The following TNFSF4 variants were observed in gnomAD, a reference collection of about 807,000 sequenced individuals.
TNFSF4 encodes the protein TNF superfamily member 4, also known as tumor necrosis factor ligand superfamily member 4.
In TNFSF4, 4 loss-of-function variants were observed where a neutral mutation model predicts 7.3. The ratio of observed to expected loss-of-function variants is 0.55; its 90% CI spans 0.27 to 1.25. TNFSF4 has a LOEUF of 1.25. Ranked by LOEUF, TNFSF4 falls within the 50% of genes most tolerant of loss-of-function variation. The pLI is 0.12. For synonymous variants in TNFSF4, 76 were observed against 83.7 expected, an observed-to-expected ratio of 0.91 and a Z score of 0.50; for missense variants, 181 against 208.8, an observed-to-expected ratio of 0.87 and a Z score of 0.82.
chr1:173,292,360 T>C, the TNFSF4 span, among the ~76,000 whole-genome samples: 1 of 152,080 alleles, frequency 6.6e-6, no homozygotes, highest in Admixed American at 6.6e-5. Flanking sequence ...ACTCACCACA[T>C]AACAGAATTA....
chr1:173,438,816 C>T, the TNFSF4 span, among the ~76,000 whole-genome samples: 6 of 152,312 alleles, frequency 3.9e-5, no homozygotes, highest in South Asian at 1.2e-3. Context: ...ATGTGTAACA[C>T]AGACTGAGTA....
At chr1:173,257,917 C>A in the TNFSF4 span, among the ~76,000 whole-genome samples, 5 of 152,176 alleles carry the variant, frequency 3.3e-5, no homozygotes, top group Non-Finnish European at 7.3e-5. Context: ...TGGCTCAAAG[C>A]CTCAACTTTC....
At chr1:173,428,220 C>T in the TNFSF4 span, among the ~76,000 whole-genome samples, 2 of 152,238 alleles carry the variant, frequency 1.3e-5, no homozygotes, top group Admixed American at 6.5e-5. Flanking sequence ...GCTGGGATTA[C>T]AGGCGTGAGC....
At chr1:173,405,706 G>A in the TNFSF4 span, among the ~76,000 whole-genome samples, 2 of 152,218 alleles carry the variant, frequency 1.3e-5, no homozygotes, top group Non-Finnish European at 2.9e-5. Context: ...GCACAATGAA[G>A]TTGTCAAGTT....
At chr1:173,266,225 A>G in the TNFSF4 span, among the ~76,000 whole-genome samples, 1 of 152,168 alleles carries the variant, frequency 6.6e-6, no homozygotes, top group Non-Finnish European at 1.5e-5. Flanking sequence ...AATGAGTTCA[A>G]TGGATGATGA....
At chr1:173,340,618 GA>G in the TNFSF4 span, among the ~76,000 whole-genome samples, 2 of 152,256 alleles carry the variant, frequency 1.3e-5, no homozygotes, top group African/African-American at 4.8e-5. Flanking sequence ...TCGACCTCAA[GA>G]AATCTAGATA....
chr1:173,310,388 A>AT, the TNFSF4 span, among the ~76,000 whole-genome samples: 2 of 151,864 alleles, frequency 1.3e-5, no homozygotes, highest in Non-Finnish European at 2.9e-5. Context: ...TTCCATTGTG[A>AT]TTTTTAAATA....
chr1:173,219,945 C>T, the TNFSF4 span, among the ~76,000 whole-genome samples: 5 of 151,976 alleles, frequency 3.3e-5, no homozygotes, highest in Non-Finnish European at 5.9e-5. Flanking sequence ...TTGGGTACAG[C>T]GTACACTGCT....
chr1:173,258,121 A>AC, the TNFSF4 span, among the ~76,000 whole-genome samples: 4 of 152,058 alleles, frequency 2.6e-5, no homozygotes, highest in African/African-American at 7.2e-5. Context: ...ACCAAATTCC[A>AC]TTTGGCTTCC....
At chr1:173,286,669 T>C in the TNFSF4 span, among the ~76,000 whole-genome samples, 28 of 152,132 alleles carry the variant, frequency 1.8e-4, no homozygotes, top group Admixed American at 1.8e-3. Flanking sequence ...AGAATCTCTT[T>C]CTGAACTTGG....
the TNFSF4 span, among the ~76,000 whole-genome samples, chr1:173,223,548 A>C: frequency 6.6e-6 from 1 of 152,202 alleles, no homozygotes; most frequent in Non-Finnish European, 1.5e-5. Flanking sequence ...GTAAAGGTGG[A>C]TTTCAGAAGT....
the TNFSF4 span, among the ~76,000 whole-genome samples, chr1:173,266,194 T>G: frequency 6.6e-6 from 1 of 152,144 alleles, no homozygotes; most frequent in Non-Finnish European, 1.5e-5. Context: ...AGGATGAGTA[T>G]GTATTTGAAG....
chr1:173,319,830 C>G, the TNFSF4 span, among the ~76,000 whole-genome samples: 10 of 152,130 alleles, frequency 6.6e-5, no homozygotes, highest in African/African-American at 9.7e-5. Context: ...AAGACCCCCC[C>G]ACAAAAACCC....
chr1:173,204,184 A>C (rs1392679416), intron 1 of TNFSF4, among the ~76,000 whole-genome samples: 1 of 152,198 alleles, frequency 6.6e-6, no homozygotes, highest in Non-Finnish European at 1.5e-5. Flanking sequence ...ACTAACTCAC[A>C]TTTTGTATTT....
chr1:173,390,745 T>TTC, the TNFSF4 span, among the ~76,000 whole-genome samples: 4 of 64,272 alleles, frequency 6.2e-5, no homozygotes, highest in South Asian at 2.5e-3. Context: ...TTCTTTTTTT[T>TTC]TTTTCTTTTT....
At chr1:173,301,360 T>TTA in the TNFSF4 span, among the ~76,000 whole-genome samples, 1 of 151,602 alleles carries the variant, frequency 6.6e-6, no homozygotes, top group East Asian at 1.9e-4. Flanking sequence ...CCATTTTTTT[T>TTA]ACCATAAATG....
chr1:173,221,502 A>G, the TNFSF4 span, among the ~76,000 whole-genome samples: 19 of 152,344 alleles, frequency 1.2e-4, 1 homozygote, highest in Middle Eastern at 3.4e-3. Flanking sequence ...AGGCAGAGCA[A>G]TAAGACTTAC....
At chr1:173,348,688 G>C in the TNFSF4 span, among the ~76,000 whole-genome samples, 1 of 151,974 alleles carries the variant, frequency 6.6e-6, no homozygotes, top group African/African-American at 2.4e-5. Flanking sequence ...AACAGAAAAG[G>C]CACAAATTAT....
At chr1:173,262,267 C>T in the TNFSF4 span, among the ~76,000 whole-genome samples, 14 of 152,128 alleles carry the variant, frequency 9.2e-5, no homozygotes, top group African/African-American at 3.1e-4. Context: ...AAGGCTTTCA[C>T]TAAAATTCAA....
Sources: allele counts gnomAD v4.1 joint callset (sites outside exome capture counted in the v4.1 genomes callset), GRCh38; gene constraint gnomAD v4.1.1; transcripts MANE v1.5; gene names NCBI Gene and HGNC (gene_info 2026-07-23, HGNC 2026-07-21).